Variants in CFAP57 observed in about 807,000 individuals in gnomAD.
CFAP57 encodes cilia and flagella associated protein 57.
In CFAP57, 116 loss-of-function variants were observed where a neutral mutation model predicts 146.8. The ratio of observed to expected loss-of-function variants is 0.79; its 90% CI spans 0.68 to 0.92. CFAP57 has a LOEUF of 0.92. Among genes scored for constraint, CFAP57 ranks in the 40% least tolerant of loss-of-function variants. The pLI, the probability that CFAP57 is intolerant of heterozygous loss-of-function variation, is 0.00. For missense variants in CFAP57, 1,377 were observed against 1,527.2 expected (o/e 0.90, Z 1.64); for synonymous variants, 518 against 552.8 (o/e 0.94, Z 0.88).
At chr1:43,227,178 C>T (rs1480687541) in intron 18 of CFAP57, 52 bp downstream of exon 18, 1 of 1,456,246 alleles carries the variant, frequency 6.9e-7, no homozygotes, top group Non-Finnish European at 9.1e-7. Flanking sequence ...GTCTCTTCTT[C>T]CACAATTGGC....
chr1:43,237,443 A>G (rs1359603068), intron 21 of CFAP57, among the ~76,000 whole-genome samples: 1 of 152,194 alleles, frequency 6.6e-6, no homozygotes, highest in African/African-American at 2.4e-5. Flanking sequence ...GATGAACGTG[A>G]TAGTGTTCCT....
Position 43,232,162 on chromosome 1 carries a change from C to T in CFAP57, c.3010-346C>T, listed in dbSNP as rs774528133. The T allele has an allele frequency of 2.2e-4, 149 of 688,752 alleles. No individual in the cohort carries two copies. Among genetic ancestry groups the T allele is most frequent in the Non-Finnish European group, 3.7e-4 (138 of 377,862 alleles). The allele number at this position is 688,752 out of a possible 1,614,324, so 42.7% of individuals were successfully genotyped here. A position where few individuals can be genotyped will look rare whatever the true frequency, so the allele number is the denominator to read the frequency against. On this transcript the variant is annotated intron_variant, in intron 18 of 22. Coordinates refer to ENST00000372492, the MANE Select transcript of CFAP57 (RefSeq NM_001378189.1). ...GGTGCTTCTCTGGGGAACCCTGCCT[C>T]AGGTGAGAGTTGAGGTTCTAGTGCT...
intron 5 of CFAP57, among the ~76,000 whole-genome samples, chr1:43,186,503 C>T (rs565896221): frequency 4.7e-5 from 7 of 147,918 alleles, no homozygotes; most frequent in East Asian, 4.1e-4. Context: ...CCCAGCTACT[C>T]GGGAGGCTGA....
In CFAP57 at chr1:43,186,758, G is replaced by A. The variant is rs200390508; in HGVS notation, c.1021G>A (p.Val341Ile). ...NDPSQSDKQD[V>I]LCLCFSPSEE... ...TCCAAGTCAGTCTGACAAACAGGAC[G>A]TTCTCTGCCTGTGCTTCAGCCCCTC... The change falls in exon 6 of 23, where the codon GTT becomes ATT. Residue 341 changes from valine (V) to isoleucine (I), a missense_variant. Coordinates refer to ENST00000372492, the MANE Select transcript of CFAP57 (RefSeq NM_001378189.1). 78 of 1,614,144 alleles carry A rather than the reference G, an allele frequency of 4.8e-5. No individual in the cohort carries two copies. Among genetic ancestry groups the A allele is most frequent in the Non-Finnish European group, 5.8e-5 (69 of 1,180,028 alleles).
At chr1:43,216,715 G>T (rs628331) in intron 12 of CFAP57, among the ~76,000 whole-genome samples, 24,519 of 152,004 alleles carry the variant, frequency 0.16, 3,018 homozygotes, top group African/African-American at 0.32. Flanking sequence ...TTCTGTCCTG[G>T]CTCTTCCTCC....
intron 21 of CFAP57, among the ~76,000 whole-genome samples, chr1:43,236,915 A>ACCC (rs1421737353): frequency 6.7e-6 from 1 of 150,200 alleles, no homozygotes; most frequent in African/African-American, 2.5e-5. Context: ...TCCCCCCCCA[A>ACCC]AAAAAAAAGG....
chr1:43,190,658 C>G (rs1338942639), intron 6 of CFAP57, among the ~76,000 whole-genome samples: 1 of 151,816 alleles, frequency 6.6e-6, no homozygotes, highest in Non-Finnish European at 1.5e-5. Flanking sequence ...CCCTTCTATT[C>G]CTAGTTTGTT....
intron 22 of CFAP57, among the ~76,000 whole-genome samples, chr1:43,244,640 C>T (rs1438693716): frequency 2.0e-5 from 3 of 152,074 alleles, no homozygotes; most frequent in Non-Finnish European, 4.4e-5. Context: ...TGCGGTGGCT[C>T]ACATCTGTAA....
intron 12 of CFAP57, among the ~76,000 whole-genome samples, chr1:43,216,380 A>G (rs1231345049): frequency 2.0e-5 from 3 of 152,196 alleles, no homozygotes; most frequent in African/African-American, 4.8e-5. Flanking sequence ...CAGGAAAAGC[A>G]AAGAGGGAGA....
chr1:43,173,417 T>C (rs1283579071), intron 2 of CFAP57, among the ~76,000 whole-genome samples: 3 of 152,254 alleles, frequency 2.0e-5, no homozygotes. Context: ...TTTCCCATTC[T>C]TTGTTGCATT....
Position 43,234,565 on chromosome 1 carries a change from A to T in CFAP57, c.3332A>T (p.Asn1111Ile). The change falls in exon 21 of 23, where the codon AAC (asparagine) becomes ATC (isoleucine). Residue 1111 changes from asparagine (N) to isoleucine (I), a missense_variant. Transcript: ENST00000372492. ...YTRQREHLERNLATLKKKVVK... is the reference protein window; with the variant it reads ...YTRQREHLERILATLKKKVVK... ...CGGCAGCGGGAGCACCTGGAGAGGA[A>T]CCTGGCCACTCTCAAGAAGAAGGTG... 1.9e-6 allele frequency: 3 copies of T among 1,550,446 alleles called. No homozygotes were observed. Among genetic ancestry groups the T allele is most frequent in the Non-Finnish European group, 2.6e-6 (3 of 1,146,950 alleles).
chr1:43,180,098 C>T (rs1203776249), intron 2 of CFAP57, among the ~76,000 whole-genome samples: 1 of 151,458 alleles, frequency 6.6e-6, no homozygotes, highest in Non-Finnish European at 1.5e-5. Flanking sequence ...CCCTGCTACT[C>T]GGGAGGCTGA....
chr1:43,193,317 A>G (rs919398116), intron 6 of CFAP57, among the ~76,000 whole-genome samples: 4 of 152,004 alleles, frequency 2.6e-5, no homozygotes, highest in East Asian at 1.9e-4. Context: ...CAGTCTGACA[A>G]TCTCTTTTGA....
Position 43,219,369 on chromosome 1 carries a change from CCTT to C in CFAP57, c.2092-10_2092-8del, listed in dbSNP as rs1198607298. The C allele has an allele frequency of 6.5e-7, 1 of 1,546,892 alleles. No homozygotes were observed. Among genetic ancestry groups the C allele is most frequent in the Admixed American group, 2.0e-5 (1 of 50,668 alleles). On this transcript the variant is annotated splice_polypyrimidine_tract_variant and intron_variant, in intron 12 of 22. Coordinates refer to ENST00000372492, the MANE Select transcript of CFAP57 (RefSeq NM_001378189.1). ...CTGTCAGTGTTCTTGATCCTTCTGTCCTTCTCCCAAAGGCTCAGGTTATGTTGG... is the reference window on the plus strand; with the variant it reads ...CTGTCAGTGTTCTTGATCCTTCTGTCCTCCCAAAGGCTCAGGTTATGTTGG...
At chr1:43,231,117 T>C (rs1451159816) in intron 18 of CFAP57, among the ~76,000 whole-genome samples, 1 of 152,232 alleles carries the variant, frequency 6.6e-6, no homozygotes, top group Non-Finnish European at 1.5e-5. Context: ...ATTCGTTCAT[T>C]CATCAAATAT....
intron 12 of CFAP57, among the ~76,000 whole-genome samples, chr1:43,216,410 C>T (rs1037806584): frequency 1.3e-5 from 2 of 152,120 alleles, no homozygotes; most frequent in East Asian, 1.9e-4. Flanking sequence ...GGGAGGGGCC[C>T]GTGAGAGTGG....
At chr1:43,216,810 T>C (rs1644851134) in intron 12 of CFAP57, among the ~76,000 whole-genome samples, 1 of 152,216 alleles carries the variant, frequency 6.6e-6, no homozygotes, top group South Asian at 2.1e-4. Flanking sequence ...GGCCATGATT[T>C]ACCTTCTCTG....
chr1:43,183,671 A>G lies in CFAP57; in HGVS notation c.555A>G (p.Gly185=). 1 of 1,614,162 alleles carries G rather than the reference A, an allele frequency of 6.2e-7. No individual in the cohort carries two copies. The highest frequency in any genetic ancestry group is 8.5e-7 in the Non-Finnish European group (1 of 1,180,026). ...GMFKLLRFAE[G]TLKQTSFQRG... ...TTAAGCTTCTCCGTTTTGCTGAGGG[A>G]ACCCTGAAGCAAACCAGCTTTCAGA... Residue 185 remains glycine (G), a synonymous_variant, in exon 4 of 23, where the codon GGA becomes GGG. Transcript: ENST00000372492.
At chr1:43,225,948 G>T (rs2124578948) in intron 17 of CFAP57, among the ~76,000 whole-genome samples, 1 of 152,298 alleles carries the variant, frequency 6.6e-6, no homozygotes, top group Non-Finnish European at 1.5e-5. Context: ...AGAGGCAGGT[G>T]GATCACTTGA....
Sources: allele counts gnomAD v4.1 joint callset (sites outside exome capture counted in the v4.1 genomes callset), GRCh38; gene constraint gnomAD v4.1.1; transcripts MANE v1.5; gene names NCBI Gene and HGNC (gene_info 2026-07-23, HGNC 2026-07-21).